The following MRS2 variants were observed in gnomAD, a reference collection of about 807,000 sequenced individuals.
MRS2 encodes magnesium transporter MRS2 homolog, mitochondrial.
A neutral mutation model predicts 52.6 loss-of-function variants in MRS2; 40 were observed. The ratio of observed to expected loss-of-function variants is 0.76; its 90% CI spans 0.59 to 0.99. MRS2 has a LOEUF of 0.99. MRS2 is among the 50% of genes least tolerant of loss of function. The pLI is 0.00. For missense variants in MRS2, 472 were observed against 532.7 expected (o/e 0.89, Z 1.12); for synonymous variants, 193 against 195.9 (o/e 0.98, Z 0.13).
rs1762174720 is a variant in MRS2, at chr6:24,424,864, G to A, written c.*1170G>A. On this transcript the variant is annotated 3_prime_UTR_variant, in exon 11 of 11. Transcript: ENST00000378386. ...GGAAGTTTAGGAGTCCATTTTTCAG[G>A]TGGTTTGGTGATAGGAATAAAAATG... 6.6e-6 allele frequency: 1 copy of A among 152,180 alleles called. No individual in the cohort carries two copies. The highest frequency in any genetic ancestry group is 2.4e-5 in the African/African-American group (1 of 41,438). The allele number at this position is 152,180 out of a possible 1,614,324, so 9.4% of individuals were successfully genotyped here.
Position 24,408,457 on chromosome 6 carries a change from C to T in MRS2, c.301+13C>T. On this transcript the variant is annotated intron_variant, in intron 3 of 10. Transcript: ENST00000378386. ...GTTACTTCTTTTGGTGAGTGATTAG[C>T]ATTCTAAATCATTTTTTAAACATTT... 6.4e-6 allele frequency: 10 copies of T among 1,555,352 alleles called. No homozygotes were observed. Among genetic ancestry groups the T allele is most frequent in the Non-Finnish European group, 8.9e-6 (10 of 1,129,782 alleles).
chr6:24,412,229 A>G lies in MRS2; in HGVS notation c.422A>G (p.Lys141Arg). The change falls in exon 5 of 11, where the codon AAA becomes AGA. Residue 141 changes from lysine to arginine, a missense_variant. Coordinates refer to ENST00000378386, the MANE Select transcript of MRS2 (RefSeq NM_020662.4). Reference protein sequence around the residue: ...NRIIMRMEYLKAVITPECLLI... With the variant: ...NRIIMRMEYLRAVITPECLLI... ...TTTTTTTTTTTTTAACAGTATTTGA[A>G]AGCTGTGATAACTCCAGAGTGTCTT... 1 of 1,547,858 alleles carries G rather than the reference A, an allele frequency of 6.5e-7. No homozygotes were observed. The highest frequency in any genetic ancestry group is 8.7e-7 in the Non-Finnish European group (1 of 1,153,034).
intron 3 of MRS2, among the ~76,000 whole-genome samples, chr6:24,409,251 T>A (rs967692993): frequency 6.6e-6 from 1 of 152,206 alleles, no homozygotes; most frequent in Non-Finnish European, 1.5e-5. Flanking sequence ...GAGAAAGTTA[T>A]GAGGTATAGA....
In MRS2 at chr6:24,418,405, T is replaced by C. The variant is rs200726212; in HGVS notation, c.990-56T>C. The C allele has an allele frequency of 2.8e-5, 45 of 1,604,358 alleles. No individual in the cohort carries two copies. The Admixed American group carries it at 3.1e-4, about 11-fold the overall frequency. ...ATGTGGTCTGTATAGATTTGATGAA[T>C]GTGCTGTATATAGTTAGTGGGCCCT... is the stretch of plus-strand genomic sequence containing the variant. On this transcript the variant is annotated intron_variant, in intron 8 of 10. Coordinates refer to ENST00000378386, the MANE Select transcript of MRS2 (RefSeq NM_020662.4).
chr6:24,409,657 T>A, intron 4 of MRS2, 84 bp downstream of exon 4: 1 of 805,762 alleles, frequency 1.2e-6, no homozygotes, highest in Non-Finnish European at 2.0e-6. Flanking sequence ...GTATCTAGGT[T>A]AAAAGTAATT....
chr6:24,414,232 A>G (rs1761761392), intron 5 of MRS2, among the ~76,000 whole-genome samples: 1 of 151,988 alleles, frequency 6.6e-6, no homozygotes, highest in South Asian at 2.1e-4. Context: ...ACAATAGTGG[A>G]GGGAAGGTCA....
intron 1 of MRS2, 117 bp downstream of exon 1, chr6:24,403,353 C>T (rs1761352624): frequency 9.8e-7 from 1 of 1,025,060 alleles, no homozygotes; most frequent in African/African-American, 1.7e-5. Context: ...AGGCCTCGGC[C>T]TCCCGCGTGT....
At chr6:24,421,040 A>AAGAT (rs896194960) in intron 9 of MRS2, among the ~76,000 whole-genome samples, 1 of 152,198 alleles carries the variant, frequency 6.6e-6, no homozygotes, top group African/African-American at 2.4e-5. Flanking sequence ...ACATTCTCAA[A>AAGAT]AGATACATCC....
In MRS2 at chr6:24,416,384, CTATT is replaced by C; in HGVS notation, c.720-11_720-8del. ...TATTCTATTGATCATTTTTGTGTAT[CTATT>C]TCTTATAGTCTATCAGAGTTAGAAA... On this transcript the variant is annotated splice_polypyrimidine_tract_variant and intron_variant, in intron 6 of 10. Coordinates refer to ENST00000378386, the MANE Select transcript of MRS2 (RefSeq NM_020662.4). The C allele has an allele frequency of 1.9e-6, 2 of 1,025,702 alleles. No homozygotes were observed. The highest frequency in any genetic ancestry group is 3.0e-6 in the Non-Finnish European group (2 of 658,894). The allele number at this position is 1,025,702 out of a possible 1,614,324, so 63.5% of individuals were successfully genotyped here.
In MRS2 at chr6:24,423,754, C is replaced by CT; in HGVS notation, c.*65dup. ...GTAGTTACAGGAAACTTCTGATACT[C>CT]TTTTTATTATTTTCTTGTATAGAGT... On this transcript the variant is annotated 3_prime_UTR_variant, in exon 11 of 11. Coordinates refer to ENST00000378386, the MANE Select transcript of MRS2 (RefSeq NM_020662.4). The CT allele has an allele frequency of 2.7e-6, 2 of 752,792 alleles. No individual in the cohort carries two copies. Among genetic ancestry groups the CT allele is most frequent in the Non-Finnish European group, 4.3e-6 (2 of 462,752 alleles). The allele number at this position is 752,792 out of a possible 1,614,324, so 46.6% of individuals were successfully genotyped here.
chr6:24,420,489 T>G (rs917850392), intron 9 of MRS2, among the ~76,000 whole-genome samples: 4 of 152,254 alleles, frequency 2.6e-5, no homozygotes, highest in Non-Finnish European at 5.9e-5. Flanking sequence ...ATACGTTTTT[T>G]TATTGCCTGT....
In MRS2 at chr6:24,422,983, G is replaced by C; in HGVS notation, c.1154G>C (p.Ser385Thr). ...WLITGIMFMG[S>T]GLIWRRLLSF... ...ATTACAGGAATTATGTTCATGGGAA[G>C]TGGCCTCATCTGGAGGCGCCTGCTT... The change falls in exon 10 of 11, where the codon AGT becomes ACT. Residue 385 changes from serine to threonine, a missense_variant. Physicochemically the swap from Ser to Thr is moderately conservative, Grantham distance 58 (BLOSUM62 1). Transcript: ENST00000378386. The C allele has an allele frequency of 6.2e-7, 1 of 1,614,120 alleles. No individual in the cohort carries two copies. The highest frequency in any genetic ancestry group is 8.5e-7 in the Non-Finnish European group (1 of 1,180,002).
At chr6:24,418,344 A>G in intron 8 of MRS2, 108 bp downstream of exon 8, 2 of 1,202,428 alleles carry the variant, frequency 1.7e-6, no homozygotes, top group Admixed American at 2.6e-5. Context: ...TCTATACTAC[A>G]TTATTATTAT....
At position 24,403,129 on chromosome 6, in the gene MRS2, A is replaced by T. The variant is rs1473120773; in HGVS notation, c.83A>T (p.Asp28Val). The T allele has an allele frequency of 3.1e-6, 5 of 1,611,910 alleles. No homozygotes were observed. Among genetic ancestry groups the T allele is most frequent in the African/African-American group, 1.3e-5 (1 of 75,006 alleles). The change falls in exon 1 of 11, where the codon GAC becomes GTC. Residue 28 changes from aspartate (D) to valine (V), a missense_variant. Physicochemically the swap from Asp to Val is radical, Grantham distance 152. Transcript: ENST00000378386. The part of the protein sequence containing the change: ...PRRTLCALAL[D>V]VTSVGPPVAA... ...CGGACGCTGTGTGCCCTGGCCTTGG[A>T]CGTGACCTCTGTGGGTCCTCCCGTT...
chr6:24,403,035 T>A lies in MRS2; in HGVS notation c.-12T>A, dbSNP rs538953798. 6.3e-7 allele frequency: 1 copy of A among 1,576,992 alleles called. No homozygotes were observed. The highest frequency in any genetic ancestry group is 1.8e-5 in the Admixed American group (1 of 55,354). On this transcript the variant is annotated 5_prime_UTR_variant, in exon 1 of 11. It introduces an in-frame stop codon into an upstream open reading frame of the 5' UTR. Coordinates refer to ENST00000378386, the MANE Select transcript of MRS2 (RefSeq NM_020662.4). ...TGGGGTCTGGCTGCTGCCTGCTTCTTGCTCCAGCACCATGGAATGCCTGCG... is the reference window on the plus strand; with the variant it reads ...TGGGGTCTGGCTGCTGCCTGCTTCTAGCTCCAGCACCATGGAATGCCTGCG...
chr6:24,417,955 AC>A (rs58958849), intron 7 of MRS2, 128 bp from the exon 8 acceptor site: 5,143 of 420,410 alleles, frequency 0.012, 25 homozygotes, highest in East Asian at 0.074. Flanking sequence ...AAAAAAAAAG[AC>A]AAGACAAGAC....
intron 2 of MRS2, among the ~76,000 whole-genome samples, chr6:24,405,861 T>C (rs1013587515): frequency 1.1e-4 from 17 of 149,770 alleles, no homozygotes; most frequent in African/African-American, 3.2e-4. Flanking sequence ...ATTCCAACAC[T>C]TTGGGAGGCC....
At chr6:24,404,654 A>C (rs988816400) in intron 1 of MRS2, among the ~76,000 whole-genome samples, 1 of 152,222 alleles carries the variant, frequency 6.6e-6, no homozygotes, top group Non-Finnish European at 1.5e-5. Context: ...GTATTTCATA[A>C]GTATTCACTA....
intron 9 of MRS2, among the ~76,000 whole-genome samples, chr6:24,420,382 C>T (rs1237358372): frequency 2.0e-5 from 3 of 152,210 alleles, no homozygotes; most frequent in Non-Finnish European, 4.4e-5. Flanking sequence ...TCAAAGCCTG[C>T]AAAAGAGCAT....
Sources: allele counts gnomAD v4.1 joint callset (sites outside exome capture counted in the v4.1 genomes callset), GRCh38; gene constraint gnomAD v4.1.1; transcripts MANE v1.5; gene names NCBI Gene and HGNC (gene_info 2026-07-23, HGNC 2026-07-21).